The following WSCD2 variants were observed in gnomAD, a reference collection of about 807,000 sequenced individuals.
The protein encoded by WSCD2 is WSC domain sialate O sulfotransferase 2.
WSCD2 carries 28 observed loss-of-function variants against 55.7 expected under a neutral mutation model. The ratio of observed to expected loss-of-function variants is 0.50; its 90% CI spans 0.37 to 0.69. The LOEUF is 0.69. Ranked by LOEUF, WSCD2 falls within the 30% of genes least tolerant of loss-of-function variation. The pLI is 0.00. For synonymous variants in WSCD2, 301 were observed against 301.9 expected (o/e 1.00, Z 0.03); for missense variants, 616 against 762.1 (o/e 0.81, Z 2.26).
chr12:108,224,930 G>A, intron 5 of WSCD2, 70 bp downstream of exon 5: 1 of 1,563,546 alleles, frequency 6.4e-7, no homozygotes, highest in Non-Finnish European at 8.6e-7. Context: ...GGAACCACAT[G>A]CTTGGCTGGA....
chr12:108,183,695 A>C (rs1825650407), intron 1 of WSCD2, among the ~76,000 whole-genome samples: 1 of 151,664 alleles, frequency 6.6e-6, no homozygotes, highest in Non-Finnish European at 1.5e-5. Flanking sequence ...CCTCCAAATC[A>C]CTCCACTTGC....
chr12:108,177,052 G>A (rs1396533123), intron 1 of WSCD2, among the ~76,000 whole-genome samples: 2 of 152,054 alleles, frequency 1.3e-5, no homozygotes, highest in Admixed American at 1.3e-4. Flanking sequence ...TTATAAGCAC[G>A]AGTTCTGCAA....
At chr12:108,238,483 C>T (rs934910611) in intron 7 of WSCD2, among the ~76,000 whole-genome samples, 3 of 152,186 alleles carry the variant, frequency 2.0e-5, no homozygotes, top group African/African-American at 7.2e-5. Context: ...AGCCAGAGCA[C>T]AACAGGGAGG....
At chr12:108,235,147 C>CT (rs1194099974) in intron 7 of WSCD2, among the ~76,000 whole-genome samples, 7 of 152,184 alleles carry the variant, frequency 4.6e-5, no homozygotes, top group Admixed American at 2.6e-4. Flanking sequence ...CTTCACCTCT[C>CT]TGAGCTTTAA....
intron 1 of WSCD2, among the ~76,000 whole-genome samples, chr12:108,136,184 G>T (rs1876193040): frequency 6.6e-6 from 1 of 152,194 alleles, no homozygotes; most frequent in Non-Finnish European, 1.5e-5. Context: ...TAGATGGAGA[G>T]ATGGAGACCC....
chr12:108,231,042 G>A (rs1489689572), intron 6 of WSCD2, among the ~76,000 whole-genome samples: 1 of 152,180 alleles, frequency 6.6e-6, no homozygotes, highest in African/African-American at 2.4e-5. Flanking sequence ...CCAGCTGAGA[G>A]AGAAAAAATA....
At chr12:108,157,498 C>A (rs1322903700) in intron 1 of WSCD2, among the ~76,000 whole-genome samples, 1 of 152,232 alleles carries the variant, frequency 6.6e-6, no homozygotes, top group African/African-American at 2.4e-5. Context: ...ACCCCTGGAG[C>A]TGCTAGCAAT....
chr12:108,236,159 T>C (rs991999365), intron 7 of WSCD2, among the ~76,000 whole-genome samples: 1 of 152,212 alleles, frequency 6.6e-6, no homozygotes, highest in East Asian at 1.9e-4. Context: ...CTAAGTCTTT[T>C]AGAGTTTCTT....
chr12:108,250,134 G>C lies in WSCD2; in HGVS notation c.*1791G>C, dbSNP rs540787395. ...TGATGATTCTACCATGTGGTAGAGTGTTGTGTAAGACAGGTTCACAAATGG... is the reference window on the plus strand; with the variant it reads ...TGATGATTCTACCATGTGGTAGAGTCTTGTGTAAGACAGGTTCACAAATGG... On this transcript the variant is annotated 3_prime_UTR_variant, in exon 9 of 9. Transcript: ENST00000547525. 1 of 151,456 alleles carries C rather than the reference G, an allele frequency of 6.6e-6. No individual in the cohort carries two copies. Among genetic ancestry groups the C allele is most frequent in the South Asian group, 2.1e-4 (1 of 4,792 alleles). 9.4% of individuals were successfully genotyped at this position (151,456 alleles called of 1,614,324 possible). A position where few individuals can be genotyped will look rare whatever the true frequency, so the allele number is the denominator to read the frequency against.
rs375714840 is a variant in WSCD2 at position 108,224,841 on chromosome 12, T to C, written c.785T>C (p.Val262Ala). ...AMLNMSVDKC[V>A]DFCTEKEYPL... ...CTGAACATGTCTGTGGACAAATGCG[T>C]GGACTTCTGCACTGAGAAGGTGAGC... is the stretch of plus-strand genomic sequence containing the variant. The change falls in exon 5 of 9, where the codon GTG becomes GCG. Residue 262 changes from valine to alanine, a missense_variant. Physicochemically the swap from Val to Ala is moderately conservative, Grantham distance 64. Coordinates refer to ENST00000547525, the MANE Select transcript of WSCD2 (RefSeq NM_014653.4). 1 of 1,613,592 alleles carries C rather than the reference T, an allele frequency of 6.2e-7. No individual in the cohort carries two copies. Among genetic ancestry groups the C allele is most frequent in the Non-Finnish European group, 8.5e-7 (1 of 1,180,012 alleles).
At chr12:108,243,127 C>T (rs1199762763) in intron 8 of WSCD2, among the ~76,000 whole-genome samples, 1 of 152,256 alleles carries the variant, frequency 6.6e-6, no homozygotes, top group African/African-American at 2.4e-5. Context: ...CTTTAAGGTC[C>T]TGAATCAGTG....
At position 108,224,773 on chromosome 12, in the gene WSCD2, G is replaced by T; in HGVS notation, c.717G>T (p.Arg239Ser). ...GSAVFRGCFR[R>S]PDNLSLALPV... is the part of the protein sequence containing the mutation. ...CAGTGTTCCGGGGCTGCTTCCGCAG[G>T]CCCGACAACCTTTCCCTGGCCTTAC... is the stretch of plus-strand genomic sequence containing the variant. Residue 239 changes from arginine (R) to serine (S), a missense_variant, in exon 5 of 9, where the codon AGG (arginine) becomes AGT (serine). This residue lies in a region of WSCD2 where 374 missense variants were observed against 467.4 expected (regional missense o/e 0.80). Transcript: ENST00000547525. 3 of 1,613,466 alleles carry T rather than the reference G, an allele frequency of 1.9e-6. No homozygotes were observed. Among genetic ancestry groups the T allele is most frequent in the Non-Finnish European group, 8.5e-7 (1 of 1,180,032 alleles).
intron 4 of WSCD2, among the ~76,000 whole-genome samples, chr12:108,213,898 A>T (rs969918407): frequency 6.6e-6 from 1 of 152,086 alleles, no homozygotes; most frequent in African/African-American, 2.4e-5. Flanking sequence ...GCTCCAGCTC[A>T]TCTCCTTCCT....
chr12:108,158,849 A>G (rs954956147), intron 1 of WSCD2, among the ~76,000 whole-genome samples: 1 of 152,154 alleles, frequency 6.6e-6, no homozygotes, highest in African/African-American at 2.4e-5. Flanking sequence ...TGACAATACA[A>G]TGGTGAACAA....
chr12:108,248,386 G>A lies in WSCD2; in HGVS notation c.*43G>A, dbSNP rs762105617. On this transcript the variant is annotated 3_prime_UTR_variant, in exon 9 of 9. Transcript: ENST00000547525. The surrounding 1 kb of genome is among the most constrained non-coding windows in gnomAD (Gnocchi z 4.3). ...AGGGTAGACTGGGAGTCCTGACCAC[G>A]CAGGCCCTGGGGACTCAAGACCCCT... 1.9e-5 allele frequency: 30 copies of A among 1,576,190 alleles called. No individual in the cohort carries two copies. Among genetic ancestry groups the A allele is most frequent in the Admixed American group, 5.2e-5 (3 of 57,778 alleles).
chr12:108,199,055 G>A (rs7959113), intron 2 of WSCD2, among the ~76,000 whole-genome samples: 22,230 of 152,196 alleles, frequency 0.15, 1,832 homozygotes, highest in Middle Eastern at 0.18. Flanking sequence ...AGAGAAGGAA[G>A]AGAAAATAAG....
intron 7 of WSCD2, among the ~76,000 whole-genome samples, chr12:108,234,230 G>A (rs766255569): frequency 1.3e-5 from 2 of 152,238 alleles, no homozygotes; most frequent in Non-Finnish European, 2.9e-5. Context: ...GTCAATAAAA[G>A]TTGGCTCTGG....
At chr12:108,209,804 A>T (rs1885883038) in intron 3 of WSCD2, among the ~76,000 whole-genome samples, 1 of 151,548 alleles carries the variant, frequency 6.6e-6, no homozygotes, top group Non-Finnish European at 1.5e-5. Context: ...CTCCCTGCCC[A>T]CCTCAGGGTC....
intron 8 of WSCD2, among the ~76,000 whole-genome samples, chr12:108,242,013 A>G (rs1889784631): frequency 6.6e-6 from 1 of 152,198 alleles, no homozygotes; most frequent in Non-Finnish European, 1.5e-5. Context: ...ATTGGTGGCT[A>G]TGAATCACCC....
Sources: gnomAD v4.1 joint callset for allele counts (sites outside exome capture counted in the v4.1 genomes callset) on GRCh38, gnomAD v4.1.1 for gene constraint, gnomAD v4.1.1 regional missense constraint, Gnocchi (gnomAD v3.1) non-coding constraint, MANE v1.5 for transcripts, NCBI Gene and HGNC (gene_info 2026-07-23, HGNC 2026-07-21) for gene names.